The following DHX38 variants were observed in gnomAD, a reference collection of about 807,000 sequenced individuals.
The protein encoded by DHX38 is DEAH-box helicase 38, also known as pre-mRNA-splicing factor ATP-dependent RNA helicase PRP16.
In DHX38, 100 loss-of-function variants were observed where a neutral mutation model predicts 153.1. That is an observed-to-expected ratio of 0.65 (90% CI 0.56 to 0.77). The LOEUF is 0.77. Among genes scored for constraint, DHX38 ranks in the 30% least tolerant of loss-of-function variants. The pLI, the probability that DHX38 is intolerant of heterozygous loss-of-function variation, is 0.00. For missense variants in DHX38, 1,440 were observed against 1,654.0 expected (o/e 0.87, Z 2.24); for synonymous variants, 650 against 631.7 (o/e 1.03, Z -0.43).
chr16:72,109,746 T>C (rs1033592722), intron 25 of DHX38: 1 of 361,878 alleles, frequency 2.8e-6, no homozygotes, highest in Non-Finnish European at 5.0e-6. Context: ...CAAATATTCA[T>C]GAAAGTGGGA....
chr16:72,105,328 CAG>C lies in DHX38; in HGVS notation c.2360_2361del (p.Gln787ArgfsTer28). 4 of 1,614,206 alleles carry C rather than the reference CAG, an allele frequency of 2.5e-6. No homozygotes were observed. Among genetic ancestry groups the C allele is most frequent in the Non-Finnish European group, 3.4e-6 (4 of 1,180,032 alleles). On this transcript the variant is annotated frameshift_variant, in exon 17 of 27. Coordinates refer to ENST00000268482, the MANE Select transcript of DHX38 (RefSeq NM_014003.4). LOFTEE classifies it high-confidence loss of function. The stretch of plus-strand genomic sequence containing the variant: ...CTACTCTCAGCTGCCTTCTGACCTC[CAG>C]GCCAAAATCTTCCAGAAGGTGTGTC... ...PIYSQLPSDL[Q>X]AKIFQKAPDG...
chr16:72,095,373 G>T (rs960791581), intron 1 of DHX38, among the ~76,000 whole-genome samples: 1 of 152,126 alleles, frequency 6.6e-6, no homozygotes, highest in African/African-American at 2.4e-5. Flanking sequence ...TCTGTAAAAC[G>T]CAGCTAGGCC....
chr16:72,097,846 C>T (rs925693465), intron 4 of DHX38, 65 bp downstream of exon 4: 25 of 1,213,234 alleles, frequency 2.1e-5, no homozygotes, highest in Middle Eastern at 2.2e-4. Flanking sequence ...GAGTGACTCT[C>T]GTCTTCAGTG....
At chr16:72,111,674 G>A (rs1020830080) in intron 26 of DHX38, among the ~76,000 whole-genome samples, 4 of 152,212 alleles carry the variant, frequency 2.6e-5, no homozygotes, top group African/African-American at 7.2e-5. Flanking sequence ...TCTCAAATGC[G>A]AAGCCTCGTT....
intron 11 of DHX38, among the ~76,000 whole-genome samples, chr16:72,102,767 A>G (rs754462314): frequency 3.8e-4 from 57 of 151,908 alleles, no homozygotes; most frequent in Admixed American, 8.5e-4. Flanking sequence ...ATTGATTTCC[A>G]CTCCTCTTCT....
Position 72,103,095 on chromosome 16 carries a change from T to G in DHX38, c.1521T>G (p.Asp507Glu), listed in dbSNP as rs761435461. Residue 507 changes from aspartate (D) to glutamate (E), a missense_variant, in exon 12 of 27, where the codon GAT becomes GAG. By Grantham distance (45) the Asp-to-Glu change is conservative. Around this residue, in one of 6 missense-constraint regions of DHX38, gnomAD observed 241 missense variants for 229.5 expected, o/e 1.05. Coordinates refer to ENST00000268482, the MANE Select transcript of DHX38 (RefSeq NM_014003.4). ...VDYRTEQKFADHMKRKSEASS... is the reference protein window; with the variant it reads ...VDYRTEQKFAEHMKRKSEASS... The stretch of plus-strand genomic sequence containing the variant: ...CTAGGACAGAGCAGAAGTTTGCAGA[T>G]CACATGAAGAGAAAGAGCGAAGCCA... 6.2e-7 allele frequency: 1 copy of G among 1,614,052 alleles called. No individual in the cohort carries two copies. Among genetic ancestry groups the G allele is most frequent in the African/African-American group, 1.3e-5 (1 of 74,910 alleles).
intron 12 of DHX38, 133 bp downstream of exon 12, chr16:72,103,344 T>A: frequency 7.9e-7 from 1 of 1,268,572 alleles, no homozygotes; most frequent in Non-Finnish European, 1.1e-6. Context: ...TCCTCTGACC[T>A]CATGCCTGGG....
At position 72,096,885 on chromosome 16, in the gene DHX38, G is replaced by A. The variant is rs2144131124; in HGVS notation, c.387G>A (p.Trp129Ter). ...CGGGTGGTGTGAGCGAAGAGTTTTG[G>A]GAACGCAGTCGGCAGAGAGAGCGGG... ...SHPGGVSEEF[W>*]ERSRQRERER... Residue 129 changes from tryptophan (W) to a stop codon, truncating the protein, a stop_gained, in exon 3 of 27, where the codon TGG becomes TGA. Transcript: ENST00000268482. LOFTEE classifies it high-confidence loss of function. 1 of 1,614,064 alleles carries A rather than the reference G, an allele frequency of 6.2e-7. No individual in the cohort carries two copies. The highest frequency in any genetic ancestry group is 2.2e-5 in the East Asian group (1 of 44,888).
Position 72,105,627 on chromosome 16 carries a change from A to G in DHX38, c.2487+3A>G, listed in dbSNP as rs752529988. On this transcript the variant is annotated splice_donor_region_variant and intron_variant, in intron 18 of 26. Transcript: ENST00000268482. ...ATTCTGGTTATTGCAAATTAAAGGT[A>G]AGAGAAGACATGGGAGGCAAGGCCT... 6.2e-7 allele frequency: 1 copy of G among 1,614,076 alleles called. No homozygotes were observed. Among genetic ancestry groups the G allele is most frequent in the Non-Finnish European group, 8.5e-7 (1 of 1,179,958 alleles).
chr16:72,099,008 A>G lies in DHX38; in HGVS notation c.846A>G (p.Arg282=), dbSNP rs774553971. 2 of 1,613,182 alleles carry G rather than the reference A, an allele frequency of 1.2e-6. No homozygotes were observed. The highest frequency in any genetic ancestry group is 2.2e-5 in the South Asian group (2 of 91,016). Reference sequence around the variant, plus strand: ...ATAACGAGTGGGCCGATGACAGAAGACACTTGGGGTCCACCCCGCGTCTGT... The same window carrying G: ...ATAACGAGTGGGCCGATGACAGAAGGCACTTGGGGTCCACCCCGCGTCTGT... ...YKYNEWADDR[R]HLGSTPRLSR... Residue 282 remains arginine (R), a synonymous_variant, in exon 6 of 27, where the codon AGA becomes AGG. Coordinates refer to ENST00000268482, the MANE Select transcript of DHX38 (RefSeq NM_014003.4).
Position 72,105,521 on chromosome 16 carries a change from C to T in DHX38, c.2384C>T (p.Pro795Leu), listed in dbSNP as rs753500280. The change falls in exon 18 of 27, where the codon CCA (proline) becomes CTA (leucine). Residue 795 changes from proline (P) to leucine (L), a missense_variant. Physicochemically the swap from Pro to Leu is moderately conservative, Grantham distance 98. Transcript: ENST00000268482. ...TTCCTGTATGTCCTGCTCTAGGCTC[C>T]AGATGGCGTTCGGAAGTGCATCGTT... ...DLQAKIFQKA[P>L]DGVRKCIVAT... The T allele has an allele frequency of 1.9e-6, 3 of 1,614,208 alleles. No homozygotes were observed. Among genetic ancestry groups the T allele is most frequent in the East Asian group, 4.5e-5 (2 of 44,878 alleles).
rs1487583924 is a variant in DHX38, at chr16:72,107,404, A to T, written c.2665A>T (p.Thr889Ser). ...LTTTVPEIQR[T>S]NLANVVLLLK... The stretch of plus-strand genomic sequence containing the variant: ...CACCACAGTGCCCGAGATCCAGAGG[A>T]CTAACCTGGCCAACGTGGTGCTGCT... Residue 889 changes from threonine (T) to serine (S), a missense_variant, in exon 20 of 27, where the codon ACT becomes TCT. Coordinates refer to ENST00000268482, the MANE Select transcript of DHX38 (RefSeq NM_014003.4). The surrounding 1 kb of genome is among the most constrained non-coding windows in gnomAD (Gnocchi z 5.3). The T allele has an allele frequency of 6.2e-7, 1 of 1,614,000 alleles. No homozygotes were observed. The highest frequency in any genetic ancestry group is 1.7e-5 in the Admixed American group (1 of 60,018).
At chr16:72,097,100 T>C (rs2042032356) in intron 3 of DHX38, 91 bp downstream of exon 3, 1 of 1,397,442 alleles carries the variant, frequency 7.2e-7, no homozygotes, top group Non-Finnish European at 9.7e-7. Flanking sequence ...GCAACACCCA[T>C]TTGTTAGGGA....
intron 12 of DHX38, 68 bp downstream of exon 12, chr16:72,103,279 C>A: frequency 6.4e-7 from 1 of 1,558,390 alleles, no homozygotes; most frequent in South Asian, 1.2e-5. Context: ...CATGTTTACC[C>A]AGGAGCTCTT....
intron 17 of DHX38, 57 bp from the exon 18 acceptor site, chr16:72,105,460 C>T (rs558503380): frequency 3.5e-5 from 56 of 1,606,608 alleles, no homozygotes; most frequent in South Asian, 2.1e-4. Context: ...TTCCCCCTCG[C>T]GGAGCCTTTC....
intron 9 of DHX38, 150 bp downstream of exon 9, chr16:72,100,747 A>G (rs1045723405): frequency 8.3e-7 from 1 of 1,201,778 alleles, no homozygotes; most frequent in Admixed American, 2.7e-5. Context: ...CCTGGGCAAT[A>G]TAGTGAAACC....
chr16:72,100,691 G>A, intron 9 of DHX38, 94 bp downstream of exon 9: 1 of 1,517,596 alleles, frequency 6.6e-7, no homozygotes, highest in Non-Finnish European at 8.9e-7. Flanking sequence ...GGCACTTTGG[G>A]AGGCTGAGGA....
chr16:72,104,281 G>C lies in DHX38; in HGVS notation c.2010+150G>C. On this transcript the variant is annotated intron_variant, in intron 14 of 26. Coordinates refer to ENST00000268482, the MANE Select transcript of DHX38 (RefSeq NM_014003.4). This position sits in a 1 kb window ranked among gnomAD's most constrained non-coding sequence, Gnocchi z 4.5. ...GGTTGCAGTTCAGACTCGGGTTGTA[G>C]TTCATGCTGTTCTTGCTCTGCTGAG... The C allele has an allele frequency of 8.3e-7, 1 of 1,200,728 alleles. No individual in the cohort carries two copies. The highest frequency in any genetic ancestry group is 1.5e-5 in the South Asian group (1 of 65,174). The allele number at this position is 1,200,728 out of a possible 1,614,324, so 74.4% of individuals were successfully genotyped here. A position where few individuals can be genotyped will look rare whatever the true frequency, so the allele number is the denominator to read the frequency against.
Position 72,097,763 on chromosome 16 carries a change from C to G in DHX38, c.598C>G (p.Pro200Ala). The G allele has an allele frequency of 6.2e-7, 1 of 1,613,734 alleles. No individual in the cohort carries two copies. The highest frequency in any genetic ancestry group is 2.2e-5 in the East Asian group (1 of 44,880). Residue 200 changes from proline to alanine, a missense_variant, in exon 4 of 27, where the codon CCA (proline) becomes GCA (alanine). This residue lies in a region of DHX38 where 483 missense variants were observed against 465.1 expected (regional missense o/e 1.04). Transcript: ENST00000268482. The part of the protein sequence containing the change: ...RSSRRNEPES[P>A]RHRPKDAATP... ...CAGCAGAAGAAATGAACCCGAGAGC[C>G]CACGACATCGACCTAAAGGTAGACT...
Sources: allele counts gnomAD v4.1 joint callset (sites outside exome capture counted in the v4.1 genomes callset), GRCh38; gene constraint gnomAD v4.1.1; regional missense constraint gnomAD v4.1.1; non-coding constraint Gnocchi (gnomAD v3.1); transcripts MANE v1.5; gene names NCBI Gene and HGNC (gene_info 2026-07-23, HGNC 2026-07-21).